The following PRTFDC1 variants were observed in gnomAD, a reference collection of about 807,000 sequenced individuals.
PRTFDC1 encodes the protein phosphoribosyltransferase domain-containing protein 1.
PRTFDC1 carries 38 observed loss-of-function variants against 34.6 expected under a neutral mutation model. The observed-to-expected ratio is 1.10, with a 90% CI of 0.85 to 1.44. The LOEUF (loss-of-function observed/expected upper bound fraction) is 1.44, where lower values mean the gene tolerates loss of function less well. Ranked by LOEUF, PRTFDC1 falls within the 40% of genes most tolerant of loss-of-function variation. The probability of loss-of-function intolerance (pLI) is 0.00; values close to 1 mark genes in which losing one functional copy is unlikely to be tolerated. For missense variants in PRTFDC1, 270 were observed against 283.0 expected, an observed-to-expected ratio of 0.95 and a Z score of 0.33; for synonymous variants, 93 against 98.1, an observed-to-expected ratio of 0.95 and a Z score of 0.31.
intron 3 of PRTFDC1, among the ~76,000 whole-genome samples, chr10:24,887,985 T>A (rs1266138893): frequency 6.6e-6 from 1 of 152,222 alleles, no homozygotes; most frequent in Admixed American, 6.5e-5. Context: ...GGTCTCAAAC[T>A]CTCGGGCTCA....
chr10:24,901,633 G>A (rs1213744492), intron 3 of PRTFDC1, among the ~76,000 whole-genome samples: 3 of 152,138 alleles, frequency 2.0e-5, no homozygotes, highest in Non-Finnish European at 4.4e-5. Flanking sequence ...GGAGGCTGAG[G>A]CGAAAGGATC....
intron 7 of PRTFDC1, among the ~76,000 whole-genome samples, chr10:24,852,541 T>C (rs1225266589): frequency 6.6e-6 from 1 of 152,138 alleles, no homozygotes; most frequent in African/African-American, 2.4e-5. Flanking sequence ...GGAGATCCTC[T>C]CACCTCAGCC....
chr10:24,859,572 T>C (rs1398714319), intron 4 of PRTFDC1, among the ~76,000 whole-genome samples: 1 of 152,218 alleles, frequency 6.6e-6, no homozygotes, highest in African/African-American at 2.4e-5. Context: ...TTAAGTTTCC[T>C]GAAGCCTCCC....
At chr10:24,931,440 A>C (rs1024452013) in intron 3 of PRTFDC1, among the ~76,000 whole-genome samples, 1 of 152,076 alleles carries the variant, frequency 6.6e-6, no homozygotes, top group Non-Finnish European at 1.5e-5. Context: ...AGAAAGCAAC[A>C]AATTGGTTCT....
intron 4 of PRTFDC1, among the ~76,000 whole-genome samples, chr10:24,860,595 A>C (rs779394551): frequency 6.6e-6 from 1 of 152,268 alleles, no homozygotes. Flanking sequence ...TTATTCATTA[A>C]ATCCATTGAA....
chr10:24,890,844 C>G (rs1428258819), intron 3 of PRTFDC1, among the ~76,000 whole-genome samples: 2 of 152,216 alleles, frequency 1.3e-5, no homozygotes, highest in Admixed American at 6.5e-5. Flanking sequence ...TATATGGGCA[C>G]TCCCTCAAAA....
At chr10:24,872,806 A>ATATATATATATT (rs1235935301) in intron 3 of PRTFDC1, among the ~76,000 whole-genome samples, 2 of 117,650 alleles carry the variant, frequency 1.7e-5, no homozygotes, top group African/African-American at 7.2e-5. Context: ...ATATATATAT[A>ATATATATATATT]TTTTTTTTTT....
At chr10:24,948,697 C>T (rs1457804349) in intron 1 of PRTFDC1, among the ~76,000 whole-genome samples, 1 of 152,190 alleles carries the variant, frequency 6.6e-6, no homozygotes, top group Non-Finnish European at 1.5e-5. Flanking sequence ...TTCTTCTCTA[C>T]CTCATTCCTG....
intron 3 of PRTFDC1, among the ~76,000 whole-genome samples, chr10:24,921,563 CA>C (rs1848788645): frequency 6.6e-6 from 1 of 151,960 alleles, no homozygotes; most frequent in Non-Finnish European, 1.5e-5. Flanking sequence ...TTTTCCTTTC[CA>C]CTCCTGCCTA....
chr10:24,849,921 G>A lies in PRTFDC1; in HGVS notation c.631-30C>T, dbSNP rs765665444. On this transcript the variant is annotated intron_variant, in intron 8 of 8. Transcript: ENST00000320152. ...AACAATAAAGGATTTAAACGCATCA[G>A]TTTCTTAACAAAATATGAGACACAG... The A allele has an allele frequency of 1.7e-5, 28 of 1,609,512 alleles. No individual in the cohort carries two copies. In the East Asian group the frequency reaches 6.0e-4, roughly 35 times the overall value.
intron 1 of PRTFDC1, among the ~76,000 whole-genome samples, chr10:24,944,990 A>G (rs1849231545): frequency 6.6e-6 from 1 of 151,944 alleles, no homozygotes. Flanking sequence ...CGATCTGCCA[A>G]TCACACCCCT....
intron 8 of PRTFDC1, among the ~76,000 whole-genome samples, 173 bp from the exon 9 acceptor site, chr10:24,850,064 A>G (rs1356652608): frequency 6.6e-6 from 1 of 152,180 alleles, no homozygotes; most frequent in Non-Finnish European, 1.5e-5. Context: ...CAAGTGCTTG[A>G]CAAAAGGTCC....
At chr10:24,871,069 T>TAAAAAAA (rs11314430) in intron 4 of PRTFDC1, among the ~76,000 whole-genome samples, 1 of 103,114 alleles carries the variant, frequency 9.7e-6, no homozygotes, top group Non-Finnish European at 1.8e-5. Flanking sequence ...AGACTCTGTC[T>TAAAAAAA]AAAAAAAAAA....
At chr10:24,948,852 A>G (rs901708591) in intron 1 of PRTFDC1, among the ~76,000 whole-genome samples, 3 of 152,186 alleles carry the variant, frequency 2.0e-5, no homozygotes, top group African/African-American at 7.2e-5. Context: ...ATACATTCAC[A>G]TAGCCAGACC....
intron 3 of PRTFDC1, among the ~76,000 whole-genome samples, chr10:24,920,558 A>G (rs1299665819): frequency 1.4e-5 from 2 of 147,194 alleles, no homozygotes; most frequent in Non-Finnish European, 3.0e-5. Context: ...CGACAGCATC[A>G]GGATAAATAG....
chr10:24,931,746 C>T (rs1303862047), intron 3 of PRTFDC1, among the ~76,000 whole-genome samples: 1 of 151,668 alleles, frequency 6.6e-6, no homozygotes, highest in African/African-American at 2.4e-5. Context: ...ACAAAGAAAG[C>T]TCCATGTCAA....
intron 3 of PRTFDC1, among the ~76,000 whole-genome samples, chr10:24,909,922 G>A (rs187452133): frequency 2.6e-5 from 4 of 152,110 alleles, no homozygotes; most frequent in Admixed American, 1.3e-4. Flanking sequence ...AGGCCAAGGC[G>A]GGTGGATCGC....
chr10:24,938,864 A>T (rs1849097156), intron 2 of PRTFDC1, among the ~76,000 whole-genome samples: 1 of 152,164 alleles, frequency 6.6e-6, no homozygotes, highest in African/African-American at 2.4e-5. Flanking sequence ...AATGGTTGGA[A>T]ATTTGAATCT....
At chr10:24,903,767 T>C (rs1007846247) in intron 3 of PRTFDC1, among the ~76,000 whole-genome samples, 2 of 151,682 alleles carry the variant, frequency 1.3e-5, no homozygotes, top group Non-Finnish European at 2.9e-5. Context: ...GCAGTGCTCC[T>C]GGGCTCCAGT....
Sources: allele counts gnomAD v4.1 joint callset (sites outside exome capture counted in the v4.1 genomes callset), GRCh38; gene constraint gnomAD v4.1.1; transcripts MANE v1.5; gene names NCBI Gene and HGNC (gene_info 2026-07-23, HGNC 2026-07-21).